Variants in IGF2R observed in about 807,000 individuals in gnomAD.
IGF2R encodes the protein cation-independent mannose-6-phosphate receptor.
Under a neutral mutation model 270.6 loss-of-function variants are expected in IGF2R, and 91 were observed. The ratio of observed to expected loss-of-function variants is 0.34; its 90% CI spans 0.28 to 0.40. The LOEUF (loss-of-function observed/expected upper bound fraction) is 0.40. Among genes scored for constraint, IGF2R ranks in the 10% least tolerant of loss-of-function variants. The pLI is 1.00. For synonymous variants in IGF2R, 1,316 were observed against 1,258.9 expected (o/e 1.05, Z -0.96); for missense variants, 2,805 against 3,188.3 (o/e 0.88, Z 2.90).
intron 4 of IGF2R, among the ~76,000 whole-genome samples, chr6:160,016,086 C>G (rs1165933423): frequency 6.6e-6 from 1 of 152,314 alleles, no homozygotes; most frequent in Non-Finnish European, 1.5e-5. Flanking sequence ...GCAAAAACAA[C>G]CTAATACAGA....
intron 29 of IGF2R, among the ~76,000 whole-genome samples, chr6:160,066,679 C>T (rs757998118): frequency 2.2e-4 from 33 of 152,150 alleles, no homozygotes; most frequent in Non-Finnish European, 4.7e-4. Flanking sequence ...AACTCTAAAC[C>T]TCTGTTTGTC....
chr6:160,067,135 CTAAT>C (rs1778602564), intron 29 of IGF2R, among the ~76,000 whole-genome samples: 1 of 152,204 alleles, frequency 6.6e-6, no homozygotes, highest in Non-Finnish European at 1.5e-5. Flanking sequence ...CGTGTTGTCT[CTAAT>C]AACCTCACTT....
At position 160,110,253 on chromosome 6, in the gene IGF2R, C is replaced by T. The variant is rs1039468955; in HGVS notation, c.*5169C>T. ...GGTTCTGTTGTTTTCCAGAGGCTCC[C>T]ACGGAGCATGCTGGGTGGGTGGTCT... On this transcript the variant is annotated 3_prime_UTR_variant, in exon 48 of 48. Coordinates refer to ENST00000356956, the MANE Select transcript of IGF2R (RefSeq NM_000876.4). 1 of 152,180 alleles carries T rather than the reference C, an allele frequency of 6.6e-6. No homozygotes were observed. The highest frequency in any genetic ancestry group is 1.5e-5 in the Non-Finnish European group (1 of 68,040). 9.4% of individuals were successfully genotyped at this position (152,180 alleles called of 1,614,324 possible). A position where few individuals can be genotyped will look rare whatever the true frequency, so the allele number is the denominator to read the frequency against.
intron 4 of IGF2R, 57 bp from the exon 5 acceptor site, chr6:160,024,514 CT>C: frequency 6.5e-7 from 1 of 1,549,942 alleles, no homozygotes; most frequent in Non-Finnish European, 8.9e-7. Flanking sequence ...TGGTCATAAG[CT>C]TTTCTGATTG....
Position 160,046,530 on chromosome 6 carries a change from A to C in IGF2R, c.1936A>C (p.Lys646Gln). ...FSFDLSPLTK[K>Q]NGAYKVETKK... The stretch of plus-strand genomic sequence containing the variant: ...TTTTGACTTATCACCTCTCACAAAG[A>C]AAAATGGTGCCTATAAAGTTGAGAC... The change falls in exon 15 of 48, where the codon AAA becomes CAA. Residue 646 changes from lysine to glutamine, a missense_variant. Lys to Gln is a moderately conservative substitution (Grantham distance 53). Coordinates refer to ENST00000356956, the MANE Select transcript of IGF2R (RefSeq NM_000876.4). 1 of 1,612,330 alleles carries C rather than the reference A, an allele frequency of 6.2e-7. No homozygotes were observed. Among genetic ancestry groups the C allele is most frequent in the Non-Finnish European group, 8.5e-7 (1 of 1,179,412 alleles).
chr6:160,086,019 A>G (rs1779090835), intron 41 of IGF2R, among the ~76,000 whole-genome samples: 1 of 152,160 alleles, frequency 6.6e-6, no homozygotes, highest in Non-Finnish European at 1.5e-5. Context: ...TTCCCCTGTA[A>G]TCTTGCAGTA....
intron 39 of IGF2R, among the ~76,000 whole-genome samples, chr6:160,080,566 C>A (rs1454926127): frequency 1.3e-5 from 2 of 152,130 alleles, no homozygotes; most frequent in Non-Finnish European, 2.9e-5. Context: ...AGGTTTTAGC[C>A]CTGGTGGTTC....
chr6:160,068,127 C>T (rs1778630449), intron 29 of IGF2R, 122 bp from the exon 30 acceptor site: 8 of 872,612 alleles, frequency 9.2e-6, no homozygotes, highest in Non-Finnish European at 1.4e-5. Flanking sequence ...AGAGAGAAGT[C>T]GAGTCTAAAG....
Position 160,102,597 on chromosome 6 carries a change from C to T in IGF2R, c.6921C>T (p.Gly2307=), listed in dbSNP as rs765681163. ...KGLSERSQAV[G]AVLSLLLVAL... is the part of the protein sequence containing the mutation. ...TGTCAGAACGGAGCCAGGCAGTCGG[C>T]GCGGTGCTCAGCCTGCTGCTGGTGG... The change falls in exon 46 of 48, where the codon GGC becomes GGT. Residue 2307 remains glycine (G), a synonymous_variant. Coordinates refer to ENST00000356956, the MANE Select transcript of IGF2R (RefSeq NM_000876.4). This position sits in a 1 kb window ranked among gnomAD's most constrained non-coding sequence, Gnocchi z 4.5. 2.0e-5 allele frequency: 32 copies of T among 1,613,530 alleles called. No individual in the cohort carries two copies. The South Asian group carries it at 2.4e-4, about 12-fold the overall frequency.
intron 2 of IGF2R, among the ~76,000 whole-genome samples, chr6:160,000,375 C>T (rs1482279017): frequency 2.0e-5 from 3 of 152,088 alleles, no homozygotes; most frequent in African/African-American, 7.2e-5. Context: ...TTCAAACAAG[C>T]ACATCTAGTG....
chr6:160,013,571 C>G (rs975331426), intron 4 of IGF2R, among the ~76,000 whole-genome samples: 13 of 152,164 alleles, frequency 8.5e-5, no homozygotes, highest in African/African-American at 3.1e-4. Flanking sequence ...TTTGTACTCT[C>G]TTACCTCTTC....
chr6:160,063,741 T>TA (rs112146659), intron 27 of IGF2R, 111 bp downstream of exon 27: 41,180 of 623,280 alleles, frequency 0.066, 390 homozygotes, highest in Non-Finnish European at 0.078. Context: ...TGTTCTACTG[T>TA]AAAAAAAAAA....
chr6:160,070,370 C>T (rs967752951), intron 31 of IGF2R, among the ~76,000 whole-genome samples: 5 of 152,142 alleles, frequency 3.3e-5, no homozygotes, highest in Non-Finnish European at 5.9e-5. Context: ...GTCTTCACGG[C>T]GGCAGCTTGG....
chr6:159,995,551 G>C (rs886819667), intron 2 of IGF2R, among the ~76,000 whole-genome samples: 43 of 152,172 alleles, frequency 2.8e-4, no homozygotes, highest in African/African-American at 1.0e-3. Context: ...CCTTTTGTCT[G>C]ACTGGGTTAA....
intron 1 of IGF2R, among the ~76,000 whole-genome samples, chr6:159,974,446 A>C (rs1361340668): frequency 6.6e-6 from 1 of 152,058 alleles, no homozygotes; most frequent in Non-Finnish European, 1.5e-5. Context: ...TCTTTCTTAG[A>C]TATGTGTGAG....
At chr6:160,087,412 T>C (rs1182309519) in intron 41 of IGF2R, among the ~76,000 whole-genome samples, 1 of 152,192 alleles carries the variant, frequency 6.6e-6, no homozygotes, top group African/African-American at 2.4e-5. Flanking sequence ...CTGCCCACTT[T>C]GGACAGTGCC....
chr6:160,084,866 C>T lies in IGF2R; in HGVS notation c.6069-129C>T. The T allele has an allele frequency of 4.8e-6, 4 of 838,568 alleles. No individual in the cohort carries two copies. Among genetic ancestry groups the T allele is most frequent in the Non-Finnish European group, 7.4e-6 (4 of 537,972 alleles). 51.9% of individuals were successfully genotyped at this position (838,568 alleles called of 1,614,324 possible). On this transcript the variant is annotated intron_variant, in intron 40 of 47. Transcript: ENST00000356956. The surrounding 1 kb of genome is among the most constrained non-coding windows in gnomAD (Gnocchi z 4.6). Reference sequence around the variant, plus strand: ...AATTGGAAAAGCTATTTTAGTGCTACATTCAGTGATGGAATGGAGCCCTTA... The same window carrying T: ...AATTGGAAAAGCTATTTTAGTGCTATATTCAGTGATGGAATGGAGCCCTTA...
rs759510003 is a variant in IGF2R at position 160,010,688 on chromosome 6, G to T, written c.416G>T (p.Gly139Val). ...SIAFLCGKTL[G>V]TPEFVTATEC... ...ATAATTACTATTTTTTTTTAATAGG[G>T]AACTCCTGAATTTGTAACTGCAACA... Residue 139 changes from glycine (G) to valine (V), a missense_variant and splice_region_variant, in exon 4 of 48, where the codon GGA becomes GTA. Gly to Val is a moderately radical substitution (Grantham distance 109, BLOSUM62 -3). Around this residue, in one of 2 missense-constraint regions of IGF2R, gnomAD observed 954 missense variants for 981.1 expected, o/e 0.97. Coordinates refer to ENST00000356956, the MANE Select transcript of IGF2R (RefSeq NM_000876.4). The T allele has an allele frequency of 6.4e-7, 1 of 1,564,098 alleles. No individual in the cohort carries two copies. Among genetic ancestry groups the T allele is most frequent in the Non-Finnish European group, 8.8e-7 (1 of 1,135,990 alleles).
At chr6:160,077,659 T>G (rs924627285) in intron 36 of IGF2R, among the ~76,000 whole-genome samples, 6 of 152,230 alleles carry the variant, frequency 3.9e-5, no homozygotes, top group African/African-American at 1.4e-4. Flanking sequence ...CTTTTACCAC[T>G]GAATCATAGG....
Sources: gnomAD v4.1 joint callset for allele counts (sites outside exome capture counted in the v4.1 genomes callset) on GRCh38, gnomAD v4.1.1 for gene constraint, gnomAD v4.1.1 regional missense constraint, Gnocchi (gnomAD v3.1) non-coding constraint, MANE v1.5 for transcripts, NCBI Gene and HGNC (gene_info 2026-07-23, HGNC 2026-07-21) for gene names.